Variants in COL11A1 observed in about 807,000 individuals in gnomAD.
COL11A1 encodes the protein collagen type XI alpha 1 chain, also known as collagen alpha-1(XI) chain.
COL11A1 carries 74 observed loss-of-function variants against 265.2 expected under a neutral mutation model. The observed-to-expected ratio is 0.28, with a 90% CI of 0.23 to 0.34. The LOEUF is 0.34. Ranked by LOEUF, COL11A1 falls within the 10% of genes least tolerant of loss-of-function variation. COL11A1 has a pLI of 1.00. For missense variants in COL11A1, 2,165 were observed against 2,263.6 expected (o/e 0.96, Z 0.88); for synonymous variants, 816 against 727.6 (o/e 1.12, Z -1.96).
chr1:102,881,656 G>T, intron 65 of COL11A1, 41 bp downstream of exon 65: 2 of 1,449,114 alleles, frequency 1.4e-6, no homozygotes, highest in South Asian at 1.1e-5. Context: ...GTCACTTCTT[G>T]AGTTCGTGAA....
chr1:103,048,600 C>G (rs545585838), intron 4 of COL11A1, among the ~76,000 whole-genome samples: 1 of 152,276 alleles, frequency 6.6e-6, no homozygotes, highest in South Asian at 2.1e-4. Context: ...CTATTTCCTT[C>G]AGTTCTGCTC....
chr1:102,979,602 C>T, intron 31 of COL11A1, 167 bp from the exon 32 acceptor site: 1 of 701,256 alleles, frequency 1.4e-6, no homozygotes, highest in East Asian at 2.7e-5. Flanking sequence ...CTTACAATGA[C>T]ATCTGAAATC....
At chr1:102,991,282 G>A (rs965994674) in intron 28 of COL11A1, among the ~76,000 whole-genome samples, 2 of 152,108 alleles carry the variant, frequency 1.3e-5, no homozygotes, top group African/African-American at 2.4e-5. Context: ...TTTGGGCTGT[G>A]TATGAAAACA....
intron 54 of COL11A1, among the ~76,000 whole-genome samples, chr1:102,902,751 A>G (rs1479431465): frequency 6.6e-6 from 1 of 151,534 alleles, no homozygotes; most frequent in East Asian, 1.9e-4. Flanking sequence ...AATTTTTCAA[A>G]GGACTTTGTA....
intron 3 of COL11A1, among the ~76,000 whole-genome samples, 163 bp from the exon 4 acceptor site, chr1:103,074,943 A>G (rs1242413253): frequency 6.6e-6 from 1 of 152,096 alleles, no homozygotes; most frequent in African/African-American, 2.4e-5. Flanking sequence ...ATGACTACTT[A>G]CTCGTTACCC....
intron 5 of COL11A1, among the ~76,000 whole-genome samples, chr1:103,027,212 T>C (rs1667588743): frequency 6.6e-6 from 1 of 150,890 alleles, no homozygotes; most frequent in Non-Finnish European, 1.5e-5. Flanking sequence ...CAATTGTACA[T>C]ATTAAATAAT....
intron 37 of COL11A1, among the ~76,000 whole-genome samples, 161 bp downstream of exon 37, chr1:102,970,058 T>TA (rs1661808767): frequency 6.6e-6 from 1 of 150,590 alleles, no homozygotes; most frequent in African/African-American, 2.4e-5. Flanking sequence ...ATTTTTGTAT[T>TA]TATATATATA....
intron 26 of COL11A1, among the ~76,000 whole-genome samples, chr1:102,996,757 A>G (rs1170813279): frequency 6.6e-6 from 1 of 151,974 alleles, no homozygotes; most frequent in Non-Finnish European, 1.5e-5. Context: ...ATAAGTAATA[A>G]TAAAATTGGG....
chr1:103,070,239 T>TA (rs1671475318), intron 4 of COL11A1, among the ~76,000 whole-genome samples: 2 of 148,686 alleles, frequency 1.3e-5, no homozygotes, highest in African/African-American at 4.9e-5. Context: ...ATAATAATAA[T>TA]ATTAAATACA....
intron 36 of COL11A1, among the ~76,000 whole-genome samples, chr1:102,974,071 TC>T (rs1307819074): frequency 6.6e-6 from 1 of 152,110 alleles, no homozygotes; most frequent in East Asian, 1.9e-4. Context: ...TCTAACAATA[TC>T]CCAAGAGCTG....
At chr1:103,026,176 CA>C in intron 6 of COL11A1, 39 bp downstream of exon 6, 2 of 1,409,554 alleles carry the variant, frequency 1.4e-6, no homozygotes, top group South Asian at 2.3e-5. Flanking sequence ...GGATGACGAA[CA>C]GCAGGACACC....
In COL11A1 at chr1:102,946,941, G is replaced by A. The variant is rs1276582034; in HGVS notation, c.3184C>T (p.Arg1062Cys). ...GGGCCAGCTGTACCTGCTGACCCAC[G>A]TTCTCCTGGTGAGCCCTAGTATACA... ...PPGPVGSPGE[R>C]GSAGTAGPIG... Residue 1062 changes from arginine to cysteine, a missense_variant, in exon 42 of 67, where the codon CGT (arginine) becomes TGT (cysteine). Transcript: ENST00000370096. 12 of 1,612,252 alleles carry A rather than the reference G, an allele frequency of 7.4e-6. No individual in the cohort carries two copies. The highest frequency in any genetic ancestry group is 2.2e-5 in the East Asian group (1 of 44,884).
chr1:103,042,230 A>T (rs1668869314), intron 4 of COL11A1, among the ~76,000 whole-genome samples: 2 of 152,138 alleles, frequency 1.3e-5, no homozygotes, highest in Non-Finnish European at 2.9e-5. Flanking sequence ...TCAAATACTT[A>T]TAGACTGGTT....
In COL11A1 at chr1:102,925,387, T is replaced by C. The variant is rs1656482201; in HGVS notation, c.3601-1998A>G. ...ATAACCTACTATATCCACATGACTT[T>C]CAGTTTGTAAAGAAGGAACTTTACT... On this transcript the variant is annotated intron_variant, in intron 46 of 66. Coordinates refer to ENST00000370096, the MANE Select transcript of COL11A1 (RefSeq NM_001854.4). 3.3e-5 allele frequency among the ~76,000 whole-genome samples: 5 copies of C among 152,124 alleles called. No individual in the cohort carries two copies. In the South Asian group the frequency reaches 1.0e-3, roughly 31 times the overall value.
chr1:102,934,317 CT>C, intron 46 of COL11A1, 131 bp downstream of exon 46: 1 of 665,354 alleles, frequency 1.5e-6, no homozygotes, highest in Admixed American at 2.7e-5. Flanking sequence ...ATAAAATGAT[CT>C]TTATGGATAA....
chr1:103,089,371 G>C (rs1673124395), intron 1 of COL11A1, among the ~76,000 whole-genome samples: 1 of 152,078 alleles, frequency 6.6e-6, no homozygotes, highest in Non-Finnish European at 1.5e-5. Context: ...CCAGTGTCTT[G>C]TATTTCCCCT....
chr1:102,961,675 C>T (rs1660921025), intron 41 of COL11A1, 191 bp downstream of exon 41: 2 of 558,684 alleles, frequency 3.6e-6, no homozygotes, highest in South Asian at 4.0e-5. Flanking sequence ...CAAATATTTC[C>T]AATCATCCAA....
intron 54 of COL11A1, among the ~76,000 whole-genome samples, chr1:102,908,478 T>G (rs138713521): frequency 0.032 from 4,919 of 152,180 alleles, 109 homozygotes; most frequent in Middle Eastern, 0.086. Context: ...TCTCAAATAA[T>G]TTTTGGTAAA....
chr1:102,934,968 A>T (rs1657992016), intron 45 of COL11A1, 92 bp downstream of exon 45: 1 of 1,183,516 alleles, frequency 8.4e-7, no homozygotes, highest in Admixed American at 1.8e-5. Flanking sequence ...AAAACTTATT[A>T]CCCCACAAAA....
Sources: gnomAD v4.1 joint callset for allele counts (sites outside exome capture counted in the v4.1 genomes callset) on GRCh38, gnomAD v4.1.1 for gene constraint, MANE v1.5 for transcripts, NCBI Gene and HGNC (gene_info 2026-07-23, HGNC 2026-07-21) for gene names.